The following CACNA2D3 variants were observed in gnomAD, a reference collection of about 807,000 sequenced individuals.
CACNA2D3 encodes calcium voltage-gated channel auxiliary subunit alpha2delta 3.
Under a neutral mutation model 160.6 loss-of-function variants are expected in CACNA2D3, and 60 were observed. That is an observed-to-expected ratio of 0.37 (90% confidence interval 0.30 to 0.46). CACNA2D3 has a LOEUF of 0.46. Ranked by LOEUF, CACNA2D3 falls within the 20% of genes least tolerant of loss-of-function variation. The pLI, the probability that CACNA2D3 is intolerant of heterozygous loss-of-function variation, is 1.00. For synonymous variants in CACNA2D3, 558 were observed against 492.9 expected, an observed-to-expected ratio of 1.13 and a Z score of -1.75; for missense variants, 1,205 against 1,365.0, an observed-to-expected ratio of 0.88 and a Z score of 1.85.
At chr3:54,918,991 G>T in intron 27 of CACNA2D3, 2 of 919,898 alleles carry the variant, frequency 2.2e-6, no homozygotes, top group Non-Finnish European at 2.9e-6. Flanking sequence ...AATTTATGAA[G>T]TACCTTTTTT....
At chr3:54,175,015 C>T (rs1700649305) in intron 2 of CACNA2D3, among the ~76,000 whole-genome samples, 1 of 152,106 alleles carries the variant, frequency 6.6e-6, no homozygotes, top group Admixed American at 6.5e-5. Flanking sequence ...TGAAGTGAGG[C>T]ACGGCCAGCT....
intron 4 of CACNA2D3, among the ~76,000 whole-genome samples, chr3:54,402,261 G>A (rs1699481740): frequency 2.0e-5 from 3 of 151,770 alleles, no homozygotes; most frequent in Admixed American, 6.6e-5. Flanking sequence ...TAATAAAATG[G>A]CAGTAATAAT....
chr3:54,917,731 A>G (rs1700697356), intron 27 of CACNA2D3, among the ~76,000 whole-genome samples: 1 of 152,104 alleles, frequency 6.6e-6, no homozygotes. Flanking sequence ...CTGGCTCCCC[A>G]TCCTCTTTGT....
At chr3:54,568,241 A>G (rs1413003557) in intron 6 of CACNA2D3, among the ~76,000 whole-genome samples, 2 of 152,224 alleles carry the variant, frequency 1.3e-5, no homozygotes, top group Non-Finnish European at 2.9e-5. Flanking sequence ...GGGATATAGC[A>G]GTGTTGCACA....
chr3:54,857,147 A>T (rs1699189103), intron 17 of CACNA2D3, among the ~76,000 whole-genome samples: 1 of 152,194 alleles, frequency 6.6e-6, no homozygotes, highest in Admixed American at 6.5e-5. Flanking sequence ...AGGCTGAAGA[A>T]ACAGTGTGTA....
At chr3:54,815,389 A>T (rs1703426161) in intron 13 of CACNA2D3, among the ~76,000 whole-genome samples, 1 of 152,202 alleles carries the variant, frequency 6.6e-6, no homozygotes, top group Non-Finnish European at 1.5e-5. Context: ...TGTGGGCTCC[A>T]TCCACAGGGG....
intron 3 of CACNA2D3, among the ~76,000 whole-genome samples, chr3:54,330,966 A>G (rs7641520): frequency 0.21 from 31,858 of 152,070 alleles, 3,586 homozygotes; most frequent in Middle Eastern, 0.28. Context: ...TTTCTAGGGA[A>G]GTATGTTCAG....
chr3:54,969,279 T>TTTTTTG (rs1702220785), intron 28 of CACNA2D3, among the ~76,000 whole-genome samples: 1 of 150,194 alleles, frequency 6.7e-6, no homozygotes, highest in Non-Finnish European at 1.5e-5. Context: ...TTTTTTTTTT[T>TTTTTTG]GAGATAGTCT....
In CACNA2D3 at chr3:55,004,787, C is replaced by T; in HGVS notation, c.2715C>T (p.Ala905=). Residue 905 remains alanine (A), a synonymous_variant, in exon 32 of 38, where the codon GCC becomes GCT. Coordinates refer to ENST00000474759, the MANE Select transcript of CACNA2D3 (RefSeq NM_018398.3). ...FKRITLYDYQ[A]MCRANKESSD... is the part of the protein sequence containing the mutation. ...GAATTACCCTTTATGACTACCAAGC[C>T]ATGTGTAGAGCCAACAAGGAAAGCA... is the stretch of plus-strand genomic sequence containing the variant. 1.2e-6 allele frequency: 2 copies of T among 1,613,504 alleles called. No individual in the cohort carries two copies. Among genetic ancestry groups the T allele is most frequent in the Non-Finnish European group, 1.7e-6 (2 of 1,179,472 alleles).
intron 10 of CACNA2D3, among the ~76,000 whole-genome samples, chr3:54,631,173 C>T (rs1200610037): frequency 6.7e-6 from 1 of 150,098 alleles, no homozygotes; most frequent in African/African-American, 2.5e-5. Context: ...CACTGCACTT[C>T]AGCCTGGGTG....
At chr3:54,730,346 A>G (rs1701362933) in intron 11 of CACNA2D3, among the ~76,000 whole-genome samples, 1 of 152,170 alleles carries the variant, frequency 6.6e-6, no homozygotes. Flanking sequence ...GTGGACAACC[A>G]CTGGGCCTTA....
intron 27 of CACNA2D3, among the ~76,000 whole-genome samples, chr3:54,938,439 A>G (rs547169525): frequency 6.6e-6 from 1 of 152,294 alleles, no homozygotes; most frequent in Admixed American, 6.5e-5. Context: ...TTAGATAGCC[A>G]ACTGGTGGCA....
intron 11 of CACNA2D3, among the ~76,000 whole-genome samples, chr3:54,687,135 G>GTTTTTTTTTTTTTTTTTTTTT (rs1290353261): frequency 1.1e-5 from 1 of 88,896 alleles, no homozygotes; most frequent in Non-Finnish European, 2.2e-5. Flanking sequence ...TTTTTTTTTT[G>GTTTTTTTTTTTTTTTTTTTTT]TTTTTTTTTT....
intron 9 of CACNA2D3, among the ~76,000 whole-genome samples, chr3:54,621,225 G>T (rs1698980772): frequency 1.3e-5 from 2 of 152,072 alleles, no homozygotes; most frequent in African/African-American, 4.8e-5. Context: ...TAATTACATA[G>T]ACAGGAAAAA....
chr3:54,535,418 T>C (rs1701874407), intron 5 of CACNA2D3, among the ~76,000 whole-genome samples: 1 of 152,230 alleles, frequency 6.6e-6, no homozygotes. Flanking sequence ...TTTTTGTTGT[T>C]TTCTTGATTC....
chr3:54,536,268 T>C (rs1486170304), intron 5 of CACNA2D3, among the ~76,000 whole-genome samples: 5 of 152,220 alleles, frequency 3.3e-5, no homozygotes, highest in Admixed American at 6.5e-5. Flanking sequence ...TTTATCAGTA[T>C]AGAGGTGGTC....
intron 3 of CACNA2D3, among the ~76,000 whole-genome samples, chr3:54,338,382 A>C (rs796553341): frequency 2.4e-4 from 37 of 152,212 alleles, no homozygotes; most frequent in African/African-American, 7.7e-4. Context: ...CTGTTGCCAC[A>C]GGAAAAGGTG....
chr3:54,188,018 C>T (rs1045862619), intron 2 of CACNA2D3, among the ~76,000 whole-genome samples: 1 of 152,096 alleles, frequency 6.6e-6, no homozygotes. Flanking sequence ...GAGTCGAACT[C>T]CAAAATAACT....
Position 54,864,902 on chromosome 3 carries a change from G to A in CACNA2D3, c.1627-6637G>A, listed in dbSNP as rs565559088. 2.0e-5 allele frequency among the ~76,000 whole-genome samples: 3 copies of A among 152,252 alleles called. No individual in the cohort carries two copies. In the South Asian group the frequency reaches 6.2e-4, roughly 32 times the overall value. The stretch of plus-strand genomic sequence containing the variant: ...TGTCACCACGTGACCTGCCTTTCCT[G>A]GGTGCTGCGTTTTCCCATCTCTGAA... On this transcript the variant is annotated intron_variant, in intron 17 of 37. Transcript: ENST00000474759.
Sources: allele counts gnomAD v4.1 joint callset (sites outside exome capture counted in the v4.1 genomes callset), GRCh38; gene constraint gnomAD v4.1.1; transcripts MANE v1.5; gene names NCBI Gene and HGNC (gene_info 2026-07-23, HGNC 2026-07-21).